CDCA2: variants seen among roughly 807,000 people sequenced by gnomAD.
The protein encoded by CDCA2 is cell division cycle-associated protein 2.
In CDCA2, 44 loss-of-function variants were observed where a neutral mutation model predicts 67.0. That is an observed-to-expected ratio of 0.66 (90% CI 0.52 to 0.84). The LOEUF (loss-of-function observed/expected upper bound fraction) is 0.84, where lower values mean the gene tolerates loss of function less well. Ranked by LOEUF, CDCA2 falls within the 40% of genes least tolerant of loss-of-function variation. The probability of loss-of-function intolerance (pLI) is 0.00; values close to 1 mark genes in which losing one functional copy is unlikely to be tolerated. For synonymous variants in CDCA2, 447 were observed against 418.7 expected, an observed-to-expected ratio of 1.07 and a Z score of -0.82; for missense variants, 1,253 against 1,203.2, an observed-to-expected ratio of 1.04 and a Z score of -0.61.
At chr8:25,476,466 A>G (rs967769943) in intron 7 of CDCA2, among the ~76,000 whole-genome samples, 6 of 151,978 alleles carry the variant, frequency 3.9e-5, no homozygotes, top group Non-Finnish European at 8.8e-5. Context: ...CTCACCCCTA[A>G]GCCCTCCTGC....
chr8:25,468,136 A>G lies in CDCA2; in HGVS notation c.539-81A>G, dbSNP rs1263474746. ...TCCGTCTCAAAAAAAAAAAAAAAAA[A>G]AAAGAAAAGAAAAAAAATATATATA... On this transcript the variant is annotated intron_variant, in intron 5 of 14. Transcript: ENST00000330560. The G allele has an allele frequency of 1.2e-5, 7 of 574,636 alleles. No homozygotes were observed. In the East Asian group the frequency reaches 1.6e-4, roughly 13 times the overall value. The allele number at this position is 574,636 out of a possible 1,614,324, so 35.6% of individuals were successfully genotyped here. A position where few individuals can be genotyped will look rare whatever the true frequency, so the allele number is the denominator to read the frequency against.
chr8:25,462,586 A>G (rs1802741815), intron 4 of CDCA2, among the ~76,000 whole-genome samples: 1 of 152,058 alleles, frequency 6.6e-6, no homozygotes, highest in Non-Finnish European at 1.5e-5. Context: ...AGATCATGCC[A>G]CTATGTTCCA....
intron 3 of CDCA2, among the ~76,000 whole-genome samples, chr8:25,461,757 G>A (rs567622783): frequency 4.0e-4 from 61 of 152,320 alleles, no homozygotes; most frequent in Non-Finnish European, 7.6e-4. Flanking sequence ...CCATCTGTGT[G>A]TAGGAAATAA....
At chr8:25,462,771 G>C (rs1802751191) in intron 4 of CDCA2, among the ~76,000 whole-genome samples, 1 of 152,128 alleles carries the variant, frequency 6.6e-6, no homozygotes, top group Non-Finnish European at 1.5e-5. Flanking sequence ...TGAACTCCTG[G>C]GCTCAAGGAA....
Position 25,507,486 on chromosome 8 carries a change from A to G in CDCA2, c.2820A>G (p.Glu940=). 1 of 1,613,842 alleles carries G rather than the reference A, an allele frequency of 6.2e-7. No individual in the cohort carries two copies. Among genetic ancestry groups the G allele is most frequent in the Non-Finnish European group, 8.5e-7 (1 of 1,179,940 alleles). The change falls in exon 15 of 15, where the codon GAA becomes GAG. Residue 940 remains glutamate, a synonymous_variant. Transcript: ENST00000330560. Reference sequence around the variant, plus strand: ...TTGAAAGTATGTCTCCCATAAAAGAAACTGTGTCCTCCAGACAAAAACCGC... The same window carrying G: ...TTGAAAGTATGTCTCCCATAAAAGAGACTGTGTCCTCCAGACAAAAACCGC... ...SGFESMSPIK[E]TVSSRQKPQM...
intron 13 of CDCA2, among the ~76,000 whole-genome samples, chr8:25,490,462 T>C (rs1265326885): frequency 6.6e-6 from 1 of 151,376 alleles, no homozygotes; most frequent in Non-Finnish European, 1.5e-5. Context: ...GATGGGAGCA[T>C]GTTGACAGAT....
Position 25,494,222 on chromosome 8 carries a change from G to A in CDCA2, c.1671+5533G>A, listed in dbSNP as rs575147124. ...CACCTGTAATCTCAGCACTTTGGGA[G>A]GCTGATATTGGAGGATTGCTTGAGG... On this transcript the variant is annotated intron_variant, in intron 13 of 14. Coordinates refer to ENST00000330560, the MANE Select transcript of CDCA2 (RefSeq NM_152562.4). 1.9e-4 allele frequency among the ~76,000 whole-genome samples: 29 copies of A among 152,164 alleles called. No individual in the cohort carries two copies. In the East Asian group the frequency reaches 4.8e-3, roughly 25 times the overall value.
chr8:25,507,476 C>G lies in CDCA2; in HGVS notation c.2810C>G (p.Pro937Arg). 6.2e-7 allele frequency: 1 copy of G among 1,613,838 alleles called. No individual in the cohort carries two copies. The highest frequency in any genetic ancestry group is 8.5e-7 in the Non-Finnish European group (1 of 1,179,964). The change falls in exon 15 of 15, where the codon CCC becomes CGC. Residue 937 changes from proline (P) to arginine (R), a missense_variant. Coordinates refer to ENST00000330560, the MANE Select transcript of CDCA2 (RefSeq NM_152562.4). ...AGCAGTGGATTTGAAAGTATGTCTC[C>G]CATAAAAGAAACTGTGTCCTCCAGA... is the stretch of plus-strand genomic sequence containing the variant. ...FDSSGFESMS[P>R]IKETVSSRQK... is the part of the protein sequence containing the mutation.
At chr8:25,476,996 C>A (rs755220662) in intron 7 of CDCA2, among the ~76,000 whole-genome samples, 1 of 152,188 alleles carries the variant, frequency 6.6e-6, no homozygotes, top group African/African-American at 2.4e-5. Flanking sequence ...TCTTAAACTT[C>A]CCTTTGCCCC....
At chr8:25,484,713 C>G (rs950371665) in intron 10 of CDCA2, among the ~76,000 whole-genome samples, 3 of 151,764 alleles carry the variant, frequency 2.0e-5, no homozygotes, top group East Asian at 1.9e-4. Context: ...CATATCCTCC[C>G]GTCTTAGCCT....
chr8:25,495,641 C>T (rs530085121), intron 13 of CDCA2, among the ~76,000 whole-genome samples: 72 of 152,214 alleles, frequency 4.7e-4, no homozygotes, highest in African/African-American at 1.6e-3. Context: ...AGGATGGTCT[C>T]GATCTGCTGA....
intron 13 of CDCA2, among the ~76,000 whole-genome samples, chr8:25,499,407 G>A (rs140397788): frequency 0.047 from 6,923 of 146,008 alleles, 208 homozygotes; most frequent in South Asian, 0.13. Context: ...AGGCTCAAGT[G>A]ATTCTCCTGC....
intron 7 of CDCA2, chr8:25,472,276 G>C (rs1176501605): frequency 7.3e-5 from 11 of 150,466 alleles, no homozygotes; most frequent in Admixed American, 7.3e-4. Context: ...TTTTGAGACG[G>C]AGTCTTGCTG....
Position 25,468,372 on chromosome 8 carries a change from G to T in CDCA2, c.694G>T (p.Asp232Tyr). The change falls in exon 6 of 15, where the codon GAC (aspartate) becomes TAC (tyrosine). Residue 232 changes from aspartate to tyrosine, a missense_variant. Physicochemically the swap from Asp to Tyr is radical, Grantham distance 160. Coordinates refer to ENST00000330560, the MANE Select transcript of CDCA2 (RefSeq NM_152562.4). ...IGLQIFNIDTDRACAVETSVD... is the reference protein window; with the variant it reads ...IGLQIFNIDTYRACAVETSVD... ...TCTCCAGATATTCAATATTGATACAGACAGAGCATGTGCAGTTGAAACTTC... is the reference window on the plus strand; with the variant it reads ...TCTCCAGATATTCAATATTGATACATACAGAGCATGTGCAGTTGAAACTTC... The T allele has an allele frequency of 6.2e-7, 1 of 1,613,468 alleles. No individual in the cohort carries two copies.
At chr8:25,484,655 G>A (rs1349419346) in intron 10 of CDCA2, among the ~76,000 whole-genome samples, 3 of 149,330 alleles carry the variant, frequency 2.0e-5, no homozygotes, top group East Asian at 2.0e-4. Context: ...GCAGTGGTGC[G>A]GTCATGGCTC....
At chr8:25,474,581 G>A (rs1803275922) in intron 7 of CDCA2, among the ~76,000 whole-genome samples, 1 of 152,146 alleles carries the variant, frequency 6.6e-6, no homozygotes, top group South Asian at 2.1e-4. Flanking sequence ...CAGGTTCTCT[G>A]GTTGCTTCCT....
chr8:25,462,504 G>A (rs1008893846), intron 4 of CDCA2, among the ~76,000 whole-genome samples: 22 of 101,040 alleles, frequency 2.2e-4, no homozygotes, highest in African/African-American at 6.8e-4. Flanking sequence ...GCAGGTTCCC[G>A]AAATTCCAGC....
At chr8:25,461,047 C>T (rs1452398764) in intron 3 of CDCA2, among the ~76,000 whole-genome samples, 1 of 152,074 alleles carries the variant, frequency 6.6e-6, no homozygotes, top group East Asian at 1.9e-4. Context: ...GCAGGCAGAT[C>T]ACCGGAGGTC....
At chr8:25,487,123 C>T (rs1384625773) in intron 11 of CDCA2, 123 bp from the exon 12 acceptor site, 7 of 626,510 alleles carry the variant, frequency 1.1e-5, no homozygotes, top group Non-Finnish European at 1.7e-5. Context: ...CTGCTTGGCT[C>T]CTCTTTTTTT....
Sources: allele counts gnomAD v4.1 joint callset (sites outside exome capture counted in the v4.1 genomes callset), GRCh38; gene constraint gnomAD v4.1.1; transcripts MANE v1.5; gene names NCBI Gene and HGNC (gene_info 2026-07-23, HGNC 2026-07-21).